The following MIDN variants were observed in gnomAD, a reference collection of about 807,000 sequenced individuals.
The protein encoded by MIDN is midbrain nucleolar protein.
MIDN carries 26 observed loss-of-function variants against 46.1 expected under a neutral mutation model. The ratio of observed to expected loss-of-function variants is 0.56; its 90% CI spans 0.41 to 0.78. The LOEUF (loss-of-function observed/expected upper bound fraction) is 0.78, where lower values mean the gene tolerates loss of function less well. Among genes scored for constraint, MIDN ranks in the 30% least tolerant of loss-of-function variants. MIDN has a pLI of 0.00. For missense variants in MIDN, 850 were observed against 771.8 expected (o/e 1.10, Z -1.20); for synonymous variants, 432 against 343.3 (o/e 1.26, Z -2.86).
In MIDN at chr19:1,250,541, G is replaced by C. The variant is rs774553606; in HGVS notation, c.233+12G>C. ...CTCCACAAAGACACGTAGGTACCGC[G>C]CGCCCCCGGCCGGCCGCCCCCTCGG... On this transcript the variant is annotated intron_variant, in intron 2 of 8. Coordinates refer to ENST00000682408, the MANE Select transcript of MIDN (RefSeq NM_001388306.1). 1.7e-6 allele frequency: 2 copies of C among 1,205,022 alleles called. No individual in the cohort carries two copies. The highest frequency in any genetic ancestry group is 1.1e-6 in the Non-Finnish European group (1 of 948,968). 74.6% of individuals were successfully genotyped at this position (1,205,022 alleles called of 1,614,324 possible). A position where few individuals can be genotyped will look rare whatever the true frequency, so the allele number is the denominator to read the frequency against.
At chr19:1,253,514 C>T (rs909388087) in intron 4 of MIDN, among the ~76,000 whole-genome samples, 4 of 152,128 alleles carry the variant, frequency 2.6e-5, no homozygotes, top group East Asian at 1.9e-4. Flanking sequence ...ATTCAACCCA[C>T]ACCCACCCTG....
Position 1,254,997 on chromosome 19 carries a change from A to G in MIDN, c.921A>G (p.Lys307=), listed in dbSNP as rs757061365. Residue 307 remains lysine, a synonymous_variant, in exon 7 of 9, where the codon AAA becomes AAG. Coordinates refer to ENST00000682408, the MANE Select transcript of MIDN (RefSeq NM_001388306.1). Reference sequence around the variant, plus strand: ...CCAGCCCTGCCCCCCGCTCCCGAAAACCCGGCGCCGTCATCGAGAGCTTTG... The same window carrying G: ...CCAGCCCTGCCCCCCGCTCCCGAAAGCCCGGCGCCGTCATCGAGAGCTTTG... ...PGASPAPRSR[K]PGAVIESFVN... The G allele has an allele frequency of 3.7e-6, 6 of 1,612,268 alleles. No homozygotes were observed. Among genetic ancestry groups the G allele is most frequent in the South Asian group, 3.3e-5 (3 of 91,012 alleles).
rs1485306318 is a variant in MIDN at position 1,251,684 on chromosome 19, C to A, written c.321+35C>A. Reference sequence around the variant, plus strand: ...CATGGGGCTGCGTGCCCCCAGAGGCCCCCGCACACAGGCAGTAGCCCCTCC... The same window carrying A: ...CATGGGGCTGCGTGCCCCCAGAGGCACCCGCACACAGGCAGTAGCCCCTCC... On this transcript the variant is annotated intron_variant, in intron 3 of 8. Transcript: ENST00000682408. The A allele has an allele frequency of 3.2e-6, 5 of 1,586,118 alleles. 1 individual carries two copies. In the Middle Eastern group the frequency reaches 6.7e-4, roughly 211 times the overall value.
In MIDN at chr19:1,255,838, C is replaced by T. The variant is rs2081193282; in HGVS notation, c.1258+144C>T. ...AGCTGCCGTGGCCACTGCTCTGCTC[C>T]AGCCCGGAGAGAAGGCAGCATGTGT... On this transcript the variant is annotated intron_variant, in intron 8 of 8. Coordinates refer to ENST00000682408, the MANE Select transcript of MIDN (RefSeq NM_001388306.1). 5.2e-6 allele frequency: 4 copies of T among 772,766 alleles called. No individual in the cohort carries two copies. The South Asian group carries it at 7.7e-5, about 15-fold the overall frequency. 47.9% of individuals were successfully genotyped at this position (772,766 alleles called of 1,614,324 possible). A position where few individuals can be genotyped will look rare whatever the true frequency, so the allele number is the denominator to read the frequency against.
intron 4 of MIDN, among the ~76,000 whole-genome samples, chr19:1,252,377 C>T (rs927708309): frequency 1.4e-4 from 21 of 152,030 alleles, no homozygotes; most frequent in Admixed American, 3.9e-4. Flanking sequence ...ATCTCGTCAC[C>T]CTCCCCTCCT....
intron 2 of MIDN, among the ~76,000 whole-genome samples, chr19:1,251,066 G>T (rs897101522): frequency 6.6e-6 from 1 of 151,932 alleles, no homozygotes. Flanking sequence ...GGGGAGGGGC[G>T]GAGGGGGAGG....
chr19:1,253,152 G>A, intron 4 of MIDN, among the ~76,000 whole-genome samples: 1 of 152,034 alleles, frequency 6.6e-6, no homozygotes, highest in East Asian at 1.9e-4. Flanking sequence ...TGCAGGGCGG[G>A]TGGTGGTGGG....
intron 2 of MIDN, 119 bp from the exon 3 acceptor site, chr19:1,251,443 G>T (rs1206558444): frequency 3.6e-6 from 3 of 842,094 alleles, no homozygotes; most frequent in Admixed American, 5.8e-5. Context: ...GCCGGGAAGG[G>T]GTGGGGGTGG....
At chr19:1,251,708 C>T (rs928717181) in intron 3 of MIDN, 59 bp downstream of exon 3, 61 of 1,541,834 alleles carry the variant, frequency 4.0e-5, no homozygotes, top group African/African-American at 8.2e-5. Flanking sequence ...AGTAGCCCCT[C>T]CCTCGGTACC....
chr19:1,250,923 C>G (rs917028791), intron 2 of MIDN, among the ~76,000 whole-genome samples: 5 of 151,904 alleles, frequency 3.3e-5, no homozygotes, highest in African/African-American at 1.2e-4. Context: ...CTCTCCCCCC[C>G]TTTGTTCTCG....
In MIDN at chr19:1,251,893, G is replaced by A; in HGVS notation, c.376G>A (p.Glu126Lys). 4 of 1,613,234 alleles carry A rather than the reference G, an allele frequency of 2.5e-6. No homozygotes were observed. Among genetic ancestry groups the A allele is most frequent in the Middle Eastern group, 1.7e-4 (1 of 6,056 alleles). ...SVMQALESLT[E>K]TQPPAAPGPG... The stretch of plus-strand genomic sequence containing the variant: ...GATGCAAGCTCTCGAGAGTCTCACG[G>A]AGACGCAGGTAAGACCTCGCCAGCC... The change falls in exon 4 of 9, where the codon GAG (glutamate) becomes AAG (lysine). Residue 126 changes from glutamate (E) to lysine (K), a missense_variant. Physicochemically the swap from Glu to Lys is moderately conservative, Grantham distance 56 (BLOSUM62 1). Coordinates refer to ENST00000682408, the MANE Select transcript of MIDN (RefSeq NM_001388306.1).
chr19:1,254,664 G>A (rs1454857338), intron 6 of MIDN, among the ~76,000 whole-genome samples, 186 bp downstream of exon 6: 1 of 152,076 alleles, frequency 6.6e-6, no homozygotes, highest in East Asian at 1.9e-4. Flanking sequence ...TAGATCCTGA[G>A]TTGACGGTCA....
intron 2 of MIDN, among the ~76,000 whole-genome samples, chr19:1,250,897 C>A (rs1456688306): frequency 6.6e-6 from 1 of 151,720 alleles, no homozygotes; most frequent in Non-Finnish European, 1.5e-5. Flanking sequence ...CTGGCTGTCT[C>A]CCCCCACTTG....
intron 3 of MIDN, 37 bp downstream of exon 3, chr19:1,251,686 C>G (rs764999253): frequency 6.3e-7 from 1 of 1,582,766 alleles, no homozygotes; most frequent in Non-Finnish European, 8.6e-7. Context: ...CCAGAGGCCC[C>G]CGCACACAGG....
chr19:1,254,681 G>C (rs2081176057), intron 6 of MIDN, among the ~76,000 whole-genome samples: 1 of 152,066 alleles, frequency 6.6e-6, no homozygotes, highest in Admixed American at 6.5e-5. Context: ...GTCATCGCCT[G>C]ACATGACCTG....
Position 1,255,581 on chromosome 19 carries a change from C to A in MIDN, c.1145C>A (p.Ala382Asp). Residue 382 changes from alanine (A) to aspartate (D), a missense_variant, in exon 8 of 9, where the codon GCC becomes GAC. Physicochemically the swap from Ala to Asp is moderately radical, Grantham distance 126. Transcript: ENST00000682408. Reference sequence around the variant, plus strand: ...CGCTGCCACGCCCAGTGCTCCCCGGCCTCACCGGCCCCCGACCTGGCCCCC... The same window carrying A: ...CGCTGCCACGCCCAGTGCTCCCCGGACTCACCGGCCCCCGACCTGGCCCCC... ...QLRCHAQCSP[A>D]SPAPDLAPRT... The A allele has an allele frequency of 6.2e-7, 1 of 1,611,270 alleles. No individual in the cohort carries two copies.
At chr19:1,248,828 G>A (rs1457905135) in intron 1 of MIDN, among the ~76,000 whole-genome samples, 168 bp downstream of exon 1, 2 of 151,920 alleles carry the variant, frequency 1.3e-5, no homozygotes, top group Admixed American at 6.5e-5. Context: ...AGCCAGCGCC[G>A]CCCTGGCCGG....
chr19:1,255,630 C>T lies in MIDN; in HGVS notation c.1194C>T (p.Leu398=). The part of the protein sequence containing the change: ...LAPRTTSCEK[L]TAAPSASLLQ... ...CCAGAACTACCTCCTGCGAGAAGCTCACGGCTGCCCCCTCAGCCTCCCTGC... is the reference window on the plus strand; with the variant it reads ...CCAGAACTACCTCCTGCGAGAAGCTTACGGCTGCCCCCTCAGCCTCCCTGC... Residue 398 remains leucine (L), a synonymous_variant, in exon 8 of 9, where the codon CTC becomes CTT. Transcript: ENST00000682408. 4 of 1,606,296 alleles carry T rather than the reference C, an allele frequency of 2.5e-6. No homozygotes were observed. Among genetic ancestry groups the T allele is most frequent in the African/African-American group, 1.3e-5 (1 of 75,014 alleles).
chr19:1,251,801 A>T, intron 3 of MIDN, 38 bp from the exon 4 acceptor site: 1 of 1,597,422 alleles, frequency 6.3e-7, no homozygotes, highest in Non-Finnish European at 8.6e-7. Context: ...CAGGATTCCG[A>T]CCCCACACTC....
Sources: gnomAD v4.1 joint callset for allele counts (sites outside exome capture counted in the v4.1 genomes callset) on GRCh38, gnomAD v4.1.1 for gene constraint, MANE v1.5 for transcripts, NCBI Gene and HGNC (gene_info 2026-07-23, HGNC 2026-07-21) for gene names.